The following KIF3C variants were observed in gnomAD, a reference collection of about 807,000 sequenced individuals.
The protein encoded by KIF3C is kinesin family member 3C, also known as kinesin-like protein KIF3C.
KIF3C carries 12 observed loss-of-function variants against 67.7 expected under a neutral mutation model. The observed-to-expected ratio is 0.18, with a 90% CI of 0.11 to 0.29. The LOEUF is 0.29. KIF3C is among the 10% of genes least tolerant of loss of function. KIF3C has a pLI of 1.00. For missense variants in KIF3C, 789 were observed against 1,059.6 expected, an observed-to-expected ratio of 0.74 and a Z score of 3.55; for synonymous variants, 393 against 426.2, an observed-to-expected ratio of 0.92 and a Z score of 0.96.
In KIF3C at chr2:25,982,328, G is replaced by C. The variant is rs1406853562; in HGVS notation, c.-411C>G. On this transcript the variant is annotated 5_prime_UTR_variant, in exon 1 of 8. Coordinates refer to ENST00000264712, the MANE Select transcript of KIF3C (RefSeq NM_002254.8). ...CTCCTCCTTCCTCTAGGGATCCATA[G>C]CGTGGGCTGCCGGTCGTGGGCGGCC... 1.0e-5 allele frequency: 4 copies of C among 399,272 alleles called. No homozygotes were observed. The highest frequency in any genetic ancestry group is 1.8e-5 in the Non-Finnish European group (4 of 226,548). The allele number at this position is 399,272 out of a possible 1,614,324, so 24.7% of individuals were successfully genotyped here.
intron 5 of KIF3C, among the ~76,000 whole-genome samples, chr2:25,941,652 G>T (rs1378468315): frequency 6.6e-6 from 1 of 151,912 alleles, no homozygotes; most frequent in Non-Finnish European, 1.5e-5. Flanking sequence ...CAATACTTTG[G>T]GAGGCTGAGA....
At position 25,981,086 on chromosome 2, in the gene KIF3C, T is replaced by TGCCTCCACC; in HGVS notation, c.823_831dup (p.Gly275_Gly277dup). On this transcript the variant is annotated inframe_insertion, in exon 1 of 8. Coordinates refer to ENST00000264712, the MANE Select transcript of KIF3C (RefSeq NM_002254.8). This position sits in a 1 kb window ranked among gnomAD's most constrained non-coding sequence, Gnocchi z 8.2. The stretch of plus-strand genomic sequence containing the variant: ...CTCTCTCCACCAGCACCACCACCAC[T>TGCCTCCACC]GCCTCCACCGCCACCACCGCCACCC... 2 of 1,614,122 alleles carry TGCCTCCACC rather than the reference T, an allele frequency of 1.2e-6. No individual in the cohort carries two copies. The highest frequency in any genetic ancestry group is 8.5e-7 in the Non-Finnish European group (1 of 1,179,988).
rs369197866 is a variant in KIF3C, at chr2:25,955,524, C to T, written c.1770+17G>A. 1.2e-6 allele frequency: 2 copies of T among 1,613,790 alleles called. No individual in the cohort carries two copies. The highest frequency in any genetic ancestry group is 1.7e-6 in the Non-Finnish European group (2 of 1,179,834). On this transcript the variant is annotated intron_variant, in intron 3 of 7. Transcript: ENST00000264712. This position sits in a 1 kb window ranked among gnomAD's most constrained non-coding sequence, Gnocchi z 5.0. ...GGCCTCCAGCACACCTTAACCGGTC[C>T]TGCTGCAGCGTCTCACCTTCTTGAG...
At chr2:25,979,210 G>A (rs1328292253) in intron 1 of KIF3C, among the ~76,000 whole-genome samples, 2 of 152,120 alleles carry the variant, frequency 1.3e-5, no homozygotes, top group Non-Finnish European at 2.9e-5. Context: ...CTGGAACATT[G>A]AGTTGTGGCA....
At chr2:25,962,861 T>TAA (rs1559555200) in intron 1 of KIF3C, among the ~76,000 whole-genome samples, 1,174 of 73,220 alleles carry the variant, frequency 0.016, 45 homozygotes, top group Non-Finnish European at 0.02. Flanking sequence ...ATATAATATA[T>TAA]AATATATATA....
At chr2:25,938,356 TC>T (rs1663195376) in intron 5 of KIF3C, 1 of 293,860 alleles carries the variant, frequency 3.4e-6, no homozygotes, top group African/African-American at 2.6e-5. Flanking sequence ...AGTCTGAGTC[TC>T]AAAAAAAAAA....
rs527326957 is a variant in KIF3C at position 25,947,200 on chromosome 2, A to C, written c.2006+4589T>G. On this transcript the variant is annotated intron_variant, in intron 5 of 7. Coordinates refer to ENST00000264712, the MANE Select transcript of KIF3C (RefSeq NM_002254.8). ...AAACTTGCCTTTAAAGCAGAAGATCAGGGTAAAAAAGACAATGGGCTAGAA... is the reference window on the plus strand; with the variant it reads ...AAACTTGCCTTTAAAGCAGAAGATCCGGGTAAAAAAGACAATGGGCTAGAA... 2.6e-5 allele frequency among the ~76,000 whole-genome samples: 4 copies of C among 152,316 alleles called. No individual in the cohort carries two copies. In the South Asian group the frequency reaches 8.3e-4, roughly 32 times the overall value.
rs942618825 is a variant in KIF3C at position 25,958,485 on chromosome 2, G to A, written c.1546-2041C>T. On this transcript the variant is annotated intron_variant, in intron 1 of 7. Coordinates refer to ENST00000264712, the MANE Select transcript of KIF3C (RefSeq NM_002254.8). The surrounding 1 kb of genome is among the most constrained non-coding windows in gnomAD (Gnocchi z 4.5). ...AGTCCTAGATACTCAGGAGGCTGAG[G>A]CAGGAGAATCGGTTGAACTAGGGAG... Among the ~76,000 whole-genome samples, 1 of 152,148 alleles carries A rather than the reference G, an allele frequency of 6.6e-6. No individual in the cohort carries two copies. Among genetic ancestry groups the A allele is most frequent in the Admixed American group, 6.6e-5 (1 of 15,264 alleles).
intron 1 of KIF3C, among the ~76,000 whole-genome samples, chr2:25,966,882 T>G (rs569060963): frequency 2.6e-4 from 39 of 152,260 alleles, no homozygotes; most frequent in African/African-American, 9.1e-4. Context: ...AAGAACCTTA[T>G]GAGATAATGG....
intron 1 of KIF3C, among the ~76,000 whole-genome samples, chr2:25,957,529 C>T (rs1663837465): frequency 6.6e-6 from 1 of 152,166 alleles, no homozygotes; most frequent in Non-Finnish European, 1.5e-5. Flanking sequence ...CTGGCTTCAT[C>T]ACGGGCCTCC....
At chr2:25,968,798 G>A (rs907851375) in intron 1 of KIF3C, among the ~76,000 whole-genome samples, 18 of 151,912 alleles carry the variant, frequency 1.2e-4, no homozygotes, top group African/African-American at 4.4e-4. Context: ...ATCAGCAAAT[G>A]GTACAGAAAG....
In KIF3C at chr2:25,940,841, C is replaced by T. The variant is rs543839096; in HGVS notation, c.2007-10778G>A. Among the ~76,000 whole-genome samples, 119 of 151,448 alleles carry T rather than the reference C, an allele frequency of 7.9e-4. 1 individual carries two copies. The highest frequency in any genetic ancestry group is 2.2e-3 in the African/African-American group (93 of 41,366). Reference sequence around the variant, plus strand: ...CTAGTTTTTGTATTTTTAGTAGAGACGGGGTTTCACCATGTTGGCCAGGCT... The same window carrying T: ...CTAGTTTTTGTATTTTTAGTAGAGATGGGGTTTCACCATGTTGGCCAGGCT... On this transcript the variant is annotated intron_variant, in intron 5 of 7. Coordinates refer to ENST00000264712, the MANE Select transcript of KIF3C (RefSeq NM_002254.8).
In KIF3C at chr2:25,927,958, G is replaced by A. The variant is rs542569055; in HGVS notation, c.*1020C>T. 6.5e-6 allele frequency: 1 copy of A among 152,726 alleles called. No homozygotes were observed. Among genetic ancestry groups the A allele is most frequent in the Non-Finnish European group, 1.5e-5 (1 of 68,030 alleles). 9.5% of individuals were successfully genotyped at this position (152,726 alleles called of 1,614,324 possible). On this transcript the variant is annotated 3_prime_UTR_variant, in exon 8 of 8. Coordinates refer to ENST00000264712, the MANE Select transcript of KIF3C (RefSeq NM_002254.8). ...TTCAGAAACAGGGGTAACAGGCAAAGCTGGAAAAGATTGTGCCTGGGCTTC... is the reference window on the plus strand; with the variant it reads ...TTCAGAAACAGGGGTAACAGGCAAAACTGGAAAAGATTGTGCCTGGGCTTC...
chr2:25,969,674 C>T (rs1319999829), intron 1 of KIF3C, among the ~76,000 whole-genome samples: 2 of 151,676 alleles, frequency 1.3e-5, no homozygotes, highest in Non-Finnish European at 2.9e-5. Flanking sequence ...ACTATACCTA[C>T]TGATTTATGT....
rs749446938 is a variant in KIF3C at position 25,980,654 on chromosome 2, G to T, written c.1264C>A (p.Pro422Thr). 1.2e-6 allele frequency: 2 copies of T among 1,613,884 alleles called. No individual in the cohort carries two copies. Among genetic ancestry groups the T allele is most frequent in the African/African-American group, 2.7e-5 (2 of 74,888 alleles). ...CAGGCCTCAATCACTGGGCCCTCAGGGTACCCAGGCGGGGCGGACACGGCC... is the reference window on the plus strand; with the variant it reads ...CAGGCCTCAATCACTGGGCCCTCAGTGTACCCAGGCGGGGCGGACACGGCC... ...KKAVSAPPGY[P>T]EGPVIEAWVA... The change falls in exon 1 of 8, where the codon CCT (proline) becomes ACT (threonine). Residue 422 changes from proline to threonine, a missense_variant. Coordinates refer to ENST00000264712, the MANE Select transcript of KIF3C (RefSeq NM_002254.8). This position sits in a 1 kb window ranked among gnomAD's most constrained non-coding sequence, Gnocchi z 7.6.
intron 5 of KIF3C, among the ~76,000 whole-genome samples, chr2:25,942,984 T>C (rs1395680333): frequency 6.6e-6 from 1 of 152,200 alleles, no homozygotes; most frequent in African/African-American, 2.4e-5. Context: ...AGCTTTCTAA[T>C]GGGACAGCAT....
At chr2:25,960,265 A>G (rs1405766483) in intron 1 of KIF3C, among the ~76,000 whole-genome samples, 1 of 152,088 alleles carries the variant, frequency 6.6e-6, no homozygotes, top group Non-Finnish European at 1.5e-5. Context: ...TCAAATAAGA[A>G]ATTCAGACCT....
In KIF3C at chr2:25,958,133, C is replaced by T. The variant is rs1317459640; in HGVS notation, c.1546-1689G>A. Among the ~76,000 whole-genome samples the T allele has an allele frequency of 2.0e-5, 3 of 152,096 alleles. No individual in the cohort carries two copies. The highest frequency in any genetic ancestry group is 2.9e-5 in the Non-Finnish European group (2 of 68,012). ...AGGCCATCAAATCTGCTCCTCAGTGCGGCTCCCACCACCCCCCATTTTTCA... is the reference window on the plus strand; with the variant it reads ...AGGCCATCAAATCTGCTCCTCAGTGTGGCTCCCACCACCCCCCATTTTTCA... On this transcript the variant is annotated intron_variant, in intron 1 of 7. Coordinates refer to ENST00000264712, the MANE Select transcript of KIF3C (RefSeq NM_002254.8). The surrounding 1 kb of genome is among the most constrained non-coding windows in gnomAD (Gnocchi z 4.5).
At chr2:25,938,256 A>T in intron 5 of KIF3C, 2 of 451,610 alleles carry the variant, frequency 4.4e-6, no homozygotes, top group Non-Finnish European at 8.8e-6. Flanking sequence ...GCTACTGAGG[A>T]GGTTACTCAG....
Sources: allele counts gnomAD v4.1 joint callset (sites outside exome capture counted in the v4.1 genomes callset), GRCh38; gene constraint gnomAD v4.1.1; non-coding constraint Gnocchi (gnomAD v3.1); transcripts MANE v1.5; gene names NCBI Gene and HGNC (gene_info 2026-07-23, HGNC 2026-07-21).